Variants in PPP2R5C observed in about 807,000 individuals in gnomAD.
PPP2R5C encodes serine/threonine-protein phosphatase 2A 56 kDa regulatory subunit gamma isoform.
In PPP2R5C, 7 loss-of-function variants were observed where a neutral mutation model predicts 68.9. That is an observed-to-expected ratio of 0.10 (90% confidence interval 0.06 to 0.19). PPP2R5C has a LOEUF of 0.19. Among genes scored for constraint, PPP2R5C ranks in the 10% least tolerant of loss-of-function variants. The pLI, the probability that PPP2R5C is intolerant of heterozygous loss-of-function variation, is 1.00. For synonymous variants in PPP2R5C, 210 were observed against 222.2 expected (o/e 0.95, Z 0.49); for missense variants, 348 against 641.3 (o/e 0.54, Z 4.94).
intron 1 of PPP2R5C, among the ~76,000 whole-genome samples, chr14:101,812,416 C>A (rs140043819): frequency 6.6e-6 from 1 of 152,268 alleles, no homozygotes; most frequent in East Asian, 1.9e-4. Context: ...GGTGGGCATG[C>A]GCTGTCCTTC....
chr14:101,883,065 T>C (rs547621732), intron 3 of PPP2R5C, 192 bp from the exon 6 acceptor site: 12 of 542,034 alleles, frequency 2.2e-5, no homozygotes, highest in Admixed American at 3.6e-5. Flanking sequence ...AGTCTGTGGG[T>C]TTCACCAAAT....
At chr14:101,902,069 G>A (rs1187224024) in intron 9 of PPP2R5C, among the ~76,000 whole-genome samples, 180 bp downstream of exon 11, 1 of 152,182 alleles carries the variant, frequency 6.6e-6, no homozygotes, top group Admixed American at 6.5e-5. Flanking sequence ...ATACCCTTGA[G>A]CATCTTGTCC....
chr14:101,807,975 G>T (rs1170863150), upstream of PPP2R5C, among the ~76,000 whole-genome samples: 1 of 149,344 alleles, frequency 6.7e-6, no homozygotes, highest in African/African-American at 2.5e-5. Flanking sequence ...TCATTGGAGG[G>T]CAGGTCTCTG....
intron 1 of PPP2R5C, chr14:101,836,573 A>ATGCC (rs2041116780): frequency 1.9e-6 from 1 of 538,606 alleles, no homozygotes. Flanking sequence ...TCTACTTTAA[A>ATGCC]TGCCTGGGGT....
chr14:101,820,495 G>A (rs1173526629), intron 1 of PPP2R5C: 1 of 152,234 alleles, frequency 6.6e-6, no homozygotes, highest in Non-Finnish European at 1.5e-5. Flanking sequence ...TAACTGACAG[G>A]TTCATCAACA....
At chr14:101,853,115 T>C (rs1231153470) in intron 1 of PPP2R5C, among the ~76,000 whole-genome samples, 1 of 152,148 alleles carries the variant, frequency 6.6e-6, no homozygotes, top group Admixed American at 6.5e-5. Context: ...GAAAATAAGA[T>C]TTTTAAAATA....
chr14:101,870,040 C>CTTTTTTTTTTTTTT (rs141433870), intron 2 of PPP2R5C, among the ~76,000 whole-genome samples: 2 of 53,120 alleles, frequency 3.8e-5, no homozygotes, highest in Non-Finnish European at 3.7e-5. Context: ...TTCAATTGGG[C>CTTTTTTTTTTTTTT]TTTTTTTTTT....
chr14:101,871,228 TTTGTTGTTG>T (rs1555395078), intron 2 of PPP2R5C, among the ~76,000 whole-genome samples: 2 of 117,576 alleles, frequency 1.7e-5, no homozygotes, highest in Admixed American at 9.0e-5. Flanking sequence ...TGTTTTGGTT[TTTGTTGTTG>T]TTGTTGTTGT....
intron 1 of PPP2R5C, among the ~76,000 whole-genome samples, chr14:101,842,164 T>A (rs188942743): frequency 1.5e-4 from 23 of 152,254 alleles, no homozygotes; most frequent in African/African-American, 5.5e-4. Context: ...AATAAAAATA[T>A]CAAATCTTTA....
At chr14:101,769,661 A>T (rs994931665) in intron 2 of PPP2R5C, among the ~76,000 whole-genome samples, 17 of 152,314 alleles carry the variant, frequency 1.1e-4, no homozygotes, top group Admixed American at 7.8e-4. Context: ...TCTTGGGAAA[A>T]TTTTAAAAAG....
At chr14:101,887,960 C>T (rs1363982260) in intron 5 of PPP2R5C, among the ~76,000 whole-genome samples, 1 of 152,150 alleles carries the variant, frequency 6.6e-6, no homozygotes, top group Non-Finnish European at 1.5e-5. Flanking sequence ...CAGGGTGTCC[C>T]TGTTTGTCTC....
rs1384550694 is a variant in PPP2R5C, at chr14:101,877,074, G to A, written c.295-5087G>A. Among the ~76,000 whole-genome samples the A allele has an allele frequency of 6.8e-6, 1 of 147,434 alleles. No individual in the cohort carries two copies. Among genetic ancestry groups the A allele is most frequent in the Admixed American group, 6.9e-5 (1 of 14,434 alleles). On this transcript the variant is annotated intron_variant, in intron 2 of 13. Transcript: ENST00000334743. The surrounding 1 kb of genome is among the most constrained non-coding windows in gnomAD (Gnocchi z 4.2). ...AGTGATTCTCCTGCCTCAGCCTCCC[G>A]AGTAGCTGGGATTACAGGCACCCAC...
upstream of PPP2R5C, among the ~76,000 whole-genome samples, chr14:101,808,617 G>A (rs188951085): frequency 1.2e-3 from 177 of 152,280 alleles, no homozygotes; most frequent in Non-Finnish European, 1.2e-4. Context: ...CTGGAACTGC[G>A]AGCCCTAGCT....
At chr14:101,816,643 C>A (rs1393829638) in intron 1 of PPP2R5C, among the ~76,000 whole-genome samples, 1 of 151,712 alleles carries the variant, frequency 6.6e-6, no homozygotes, top group East Asian at 1.9e-4. Flanking sequence ...TTGTAAGGGA[C>A]TTTTCTTATT....
chr14:101,869,034 T>C lies in PPP2R5C; in HGVS notation c.294+12149T>C, dbSNP rs925732330. 1.2e-4 allele frequency among the ~76,000 whole-genome samples: 19 copies of C among 152,196 alleles called. 1 individual carries two copies. The highest frequency in any genetic ancestry group is 4.6e-4 in the African/African-American group (19 of 41,446). On this transcript the variant is annotated intron_variant, in intron 2 of 13. Coordinates refer to ENST00000334743, the Ensembl canonical transcript of PPP2R5C. The stretch of plus-strand genomic sequence containing the variant: ...TTCAAGTGATTCTTCTGCCTCAGCC[T>C]CCCGAGTAGAAGAACAGTTTCTTCA...
intron 2 of PPP2R5C, among the ~76,000 whole-genome samples, chr14:101,881,674 C>T (rs368663301): frequency 6.6e-5 from 10 of 152,230 alleles, no homozygotes; most frequent in African/African-American, 2.2e-4. Flanking sequence ...CTTTCCTCAT[C>T]GTTGCGGATT....
intron 3 of PPP2R5C, chr14:101,796,720 T>C (rs1205500603): frequency 5.5e-6 from 1 of 180,204 alleles, no homozygotes; most frequent in Non-Finnish European, 1.2e-5. Flanking sequence ...ATGGTCAGTC[T>C]CAGCTCTCTC....
chr14:101,847,629 T>A (rs2041912629), intron 1 of PPP2R5C, among the ~76,000 whole-genome samples: 1 of 151,874 alleles, frequency 6.6e-6, no homozygotes, highest in Non-Finnish European at 1.5e-5. Context: ...TACTTCCTAG[T>A]GATGCAGGCT....
chr14:101,798,902 G>A (rs1275985156), intron 3 of PPP2R5C, among the ~76,000 whole-genome samples: 1 of 152,334 alleles, frequency 6.6e-6, no homozygotes, highest in East Asian at 1.9e-4. Context: ...TGGGGGACCT[G>A]GAATGGGGTC....
Sources: gnomAD v4.1 joint callset for allele counts (sites outside exome capture counted in the v4.1 genomes callset) on GRCh38, gnomAD v4.1.1 for gene constraint, Gnocchi (gnomAD v3.1) non-coding constraint, MANE v1.5 for transcripts, NCBI Gene and HGNC (gene_info 2026-07-23, HGNC 2026-07-21) for gene names.